Variants in DNM3 observed in about 807,000 individuals in gnomAD.
DNM3 encodes dynamin 3, also known as dynamin-3.
Under a neutral mutation model 101.6 loss-of-function variants are expected in DNM3, and 47 were observed. The observed-to-expected ratio is 0.46, with a 90% CI of 0.37 to 0.59. DNM3 has a LOEUF of 0.59. Ranked by LOEUF, DNM3 falls within the 20% of genes least tolerant of loss-of-function variation. DNM3 has a pLI of 0.00. For missense variants in DNM3, 849 were observed against 1,085.7 expected (o/e 0.78, Z 3.06); for synonymous variants, 385 against 387.9 (o/e 0.99, Z 0.09).
chr1:172,011,596 A>C (rs1217674893), intron 4 of DNM3, among the ~76,000 whole-genome samples: 1 of 152,044 alleles, frequency 6.6e-6, no homozygotes, highest in Non-Finnish European at 1.5e-5. Context: ...CCAGTTTTCT[A>C]GTAGTTTACA....
At chr1:171,951,854 T>C (rs2042548707) in intron 2 of DNM3, among the ~76,000 whole-genome samples, 1 of 152,172 alleles carries the variant, frequency 6.6e-6, no homozygotes, top group Non-Finnish European at 1.5e-5. Context: ...ACAGATTGGT[T>C]TTATACATTT....
chr1:171,970,405 G>A lies in DNM3; in HGVS notation c.236-17251G>A, dbSNP rs1169547816. Among the ~76,000 whole-genome samples, 8 of 151,974 alleles carry A rather than the reference G, an allele frequency of 5.3e-5. No individual in the cohort carries two copies. In the East Asian group the frequency reaches 9.6e-4, roughly 18 times the overall value. On this transcript the variant is annotated intron_variant, in intron 2 of 20. Transcript: ENST00000627582. ...CAGAGAAGTTACAGGTTAGCCAGGAGAATACCTATTTTCCAGAACTTTTGT... is the reference window on the plus strand; with the variant it reads ...CAGAGAAGTTACAGGTTAGCCAGGAAAATACCTATTTTCCAGAACTTTTGT...
At chr1:172,085,533 G>A (rs147578994) in intron 12 of DNM3, among the ~76,000 whole-genome samples, 119 of 152,204 alleles carry the variant, frequency 7.8e-4, no homozygotes, top group African/African-American at 2.6e-3. Context: ...GATATGTGCC[G>A]TTAGAGTGAT....
intron 1 of DNM3, among the ~76,000 whole-genome samples, chr1:171,902,849 C>T (rs2038486403): frequency 6.6e-6 from 1 of 152,114 alleles, no homozygotes; most frequent in African/African-American, 2.4e-5. Context: ...ATTTCTATAG[C>T]ATCTATGTTA....
At chr1:172,322,271 A>G (rs1038693024) in intron 16 of DNM3, among the ~76,000 whole-genome samples, 7 of 152,140 alleles carry the variant, frequency 4.6e-5, no homozygotes, top group Admixed American at 4.6e-4. Context: ...GCCCTGTTCT[A>G]GGTCTCCACA....
downstream of DNM3, among the ~76,000 whole-genome samples, chr1:172,416,850 C>T (rs2071445823): frequency 3.9e-5 from 6 of 152,274 alleles, no homozygotes; most frequent in South Asian, 1.2e-3. Flanking sequence ...GACCCCCTAG[C>T]CCCTGCCCCG....
chr1:172,034,918 C>T (rs1444390409), intron 6 of DNM3, among the ~76,000 whole-genome samples: 1 of 151,892 alleles, frequency 6.6e-6, no homozygotes, highest in South Asian at 2.1e-4. Context: ...TTACCTAAGA[C>T]CAATGAGGAG....
At chr1:172,082,291 G>A (rs1205283358) in intron 12 of DNM3, among the ~76,000 whole-genome samples, 1 of 147,306 alleles carries the variant, frequency 6.8e-6, no homozygotes, top group African/African-American at 2.5e-5. Flanking sequence ...GATGAAAGAT[G>A]TTTCAACTTT....
chr1:172,181,132 CA>C (rs2059328546), intron 14 of DNM3, among the ~76,000 whole-genome samples: 1 of 151,960 alleles, frequency 6.6e-6, no homozygotes, highest in African/African-American at 2.4e-5. Context: ...ATTTTGAAAG[CA>C]TAAGAGGCTT....
chr1:172,212,095 C>T (rs1199413040), intron 14 of DNM3, among the ~76,000 whole-genome samples: 1 of 152,072 alleles, frequency 6.6e-6, no homozygotes, highest in Non-Finnish European at 1.5e-5. Flanking sequence ...TGTAGCAGAG[C>T]TGTCACCAGG....
intron 11 of DNM3, among the ~76,000 whole-genome samples, chr1:172,076,161 T>A (rs1296146923): frequency 1.3e-5 from 2 of 152,168 alleles, no homozygotes; most frequent in Non-Finnish European, 2.9e-5. Context: ...TGCACATTGA[T>A]TTTTGTATCC....
At chr1:172,283,780 A>AAGAAAG (rs1553221115) in intron 15 of DNM3, among the ~76,000 whole-genome samples, 9 of 119,082 alleles carry the variant, frequency 7.6e-5, no homozygotes, top group Non-Finnish European at 1.4e-4. Context: ...AAAAAAAAAA[A>AAGAAAG]AAAGAAAGAA....
intron 13 of DNM3, among the ~76,000 whole-genome samples, chr1:172,130,699 A>G (rs1236671704): frequency 6.6e-6 from 1 of 152,156 alleles, no homozygotes; most frequent in Non-Finnish European, 1.5e-5. Flanking sequence ...AACTGATTGA[A>G]TTGAGTTTCT....
downstream of DNM3, among the ~76,000 whole-genome samples, chr1:172,417,464 T>C (rs1465557679): frequency 6.6e-6 from 1 of 152,196 alleles, no homozygotes; most frequent in African/African-American, 2.4e-5. Flanking sequence ...TCATTATCCA[T>C]AGGTCTGATG....
At chr1:172,029,714 G>C (rs2048465674) in intron 4 of DNM3, among the ~76,000 whole-genome samples, 1 of 152,136 alleles carries the variant, frequency 6.6e-6, no homozygotes, top group Non-Finnish European at 1.5e-5. Context: ...AAAGTCTCAG[G>C]ATACAAAATC....
intron 4 of DNM3, among the ~76,000 whole-genome samples, chr1:171,996,234 T>C (rs111867116): frequency 0.014 from 2,106 of 152,266 alleles, 46 homozygotes; most frequent in African/African-American, 0.048. Flanking sequence ...GTTTTTAGCA[T>C]AATTTCAAGG....
intron 13 of DNM3, among the ~76,000 whole-genome samples, chr1:172,118,229 T>A (rs770897510): frequency 1.3e-5 from 2 of 152,190 alleles, no homozygotes; most frequent in Non-Finnish European, 2.9e-5. Context: ...TAGTGGGTTC[T>A]CTATGAAGGA....
intron 12 of DNM3, among the ~76,000 whole-genome samples, chr1:172,083,640 T>C (rs1260817309): frequency 6.6e-6 from 1 of 152,200 alleles, no homozygotes; most frequent in Non-Finnish European, 1.5e-5. Flanking sequence ...AAGGTTCAAA[T>C]TTAAACATAT....
intron 13 of DNM3, among the ~76,000 whole-genome samples, chr1:172,101,436 G>A (rs1276722890): frequency 6.6e-6 from 1 of 152,166 alleles, no homozygotes; most frequent in East Asian, 1.9e-4. Context: ...GTCACTATGA[G>A]CAAATTAATT....
Sources: gnomAD v4.1 joint callset for allele counts (sites outside exome capture counted in the v4.1 genomes callset) on GRCh38, gnomAD v4.1.1 for gene constraint, MANE v1.5 for transcripts, NCBI Gene and HGNC (gene_info 2026-07-23, HGNC 2026-07-21) for gene names.